Variants in DCP1B observed in about 807,000 individuals in gnomAD.
DCP1B encodes mRNA-decapping enzyme 1B.
In DCP1B, 47 loss-of-function variants were observed where a neutral mutation model predicts 60.5. That is an observed-to-expected ratio of 0.78 (90% CI 0.61 to 0.99). The LOEUF is 0.99. Ranked by LOEUF, DCP1B falls within the 50% of genes least tolerant of loss-of-function variation. The pLI is 0.00. For missense variants in DCP1B, 725 were observed against 756.8 expected (o/e 0.96, Z 0.49); for synonymous variants, 267 against 280.3 (o/e 0.95, Z 0.47).
downstream of DCP1B, among the ~76,000 whole-genome samples, chr12:1,945,706 A>C (rs1323413361): frequency 1.3e-5 from 2 of 152,226 alleles, no homozygotes; most frequent in East Asian, 3.8e-4. Context: ...TGCAGCCATA[A>C]AAAAGAATGA....
At chr12:1,986,918 T>C (rs1214379288) in intron 3 of DCP1B, among the ~76,000 whole-genome samples, 2 of 152,186 alleles carry the variant, frequency 1.3e-5, no homozygotes, top group African/African-American at 4.8e-5. Context: ...TTTTGGATGA[T>C]GCCAGAAGTT....
intron 4 of DCP1B, among the ~76,000 whole-genome samples, chr12:1,967,402 C>T (rs1488061836): frequency 6.6e-6 from 1 of 152,154 alleles, no homozygotes; most frequent in Non-Finnish European, 1.5e-5. Context: ...ATTCTGAGCT[C>T]CCACAAACAT....
intron 3 of DCP1B, among the ~76,000 whole-genome samples, chr12:1,990,865 C>G (rs1473222930): frequency 6.6e-6 from 1 of 151,918 alleles, no homozygotes; most frequent in African/African-American, 2.4e-5. Flanking sequence ...GACACTCTGA[C>G]AGCACCTGTG....
At chr12:1,986,584 C>T (rs931828120) in intron 3 of DCP1B, among the ~76,000 whole-genome samples, 3 of 151,876 alleles carry the variant, frequency 2.0e-5, no homozygotes, top group South Asian at 2.1e-4. Context: ...ACTGGCTTCA[C>T]GGTAGGGGTA....
intron 1 of DCP1B, among the ~76,000 whole-genome samples, chr12:2,002,891 C>G (rs1317663050): frequency 6.6e-6 from 1 of 152,022 alleles, no homozygotes; most frequent in Non-Finnish European, 1.5e-5. Flanking sequence ...ACGAAGGTGA[C>G]ACCTCGAAAA....
intron 2 of DCP1B, among the ~76,000 whole-genome samples, chr12:1,995,051 A>C (rs1039343008): frequency 6.6e-6 from 1 of 152,176 alleles, no homozygotes; most frequent in African/African-American, 2.4e-5. Flanking sequence ...TTTGGAGAAA[A>C]GACTAAAAAA....
chr12:1,969,693 CAAT>C (rs2031747866), intron 3 of DCP1B, among the ~76,000 whole-genome samples: 1 of 151,968 alleles, frequency 6.6e-6, no homozygotes. Context: ...AGTCCATCAA[CAAT>C]AATTCCCTAC....
chr12:1,976,315 T>C (rs2034347049), intron 3 of DCP1B, among the ~76,000 whole-genome samples: 1 of 152,208 alleles, frequency 6.6e-6, no homozygotes, highest in South Asian at 2.1e-4. Flanking sequence ...AAAGGAGACT[T>C]AGAGACACAA....
At chr12:1,945,991 C>T (rs989125116), downstream of DCP1B, 1 of 383,178 alleles carries the variant, frequency 2.6e-6, no homozygotes, top group African/African-American at 2.1e-5. Flanking sequence ...TGTAACAAAC[C>T]TGCATGTTCT....
At chr12:1,977,322 G>C (rs2034710918) in intron 3 of DCP1B, among the ~76,000 whole-genome samples, 1 of 152,144 alleles carries the variant, frequency 6.6e-6, no homozygotes, top group Admixed American at 6.5e-5. Flanking sequence ...GCCTTCGTTG[G>C]AGAGGTGTCA....
intron 3 of DCP1B, among the ~76,000 whole-genome samples, chr12:1,974,428 C>T (rs189749302): frequency 6.6e-4 from 101 of 152,150 alleles, no homozygotes; most frequent in East Asian, 3.9e-4. Context: ...TATGAGCTCC[C>T]GAAGACTGTA....
chr12:1,981,031 T>C lies in DCP1B; in HGVS notation c.319+12233A>G, dbSNP rs370358494. Among the ~76,000 whole-genome samples the C allele has an allele frequency of 2.5e-4, 38 of 152,298 alleles. No individual in the cohort carries two copies. In the South Asian group the frequency reaches 7.0e-3, roughly 28 times the overall value. On this transcript the variant is annotated intron_variant, in intron 3 of 8. Coordinates refer to ENST00000280665, the MANE Select transcript of DCP1B (RefSeq NM_152640.5). ...TGCATTATACATCATCTTGTTCACA[T>C]AGATAAAACTAACATTTTCCCACAT...
At chr12:1,944,752 C>T (rs1486166927), downstream of DCP1B, among the ~76,000 whole-genome samples, 2 of 151,984 alleles carry the variant, frequency 1.3e-5, no homozygotes, top group Non-Finnish European at 2.9e-5. Flanking sequence ...TGAAACTGGA[C>T]CCCTTCCTTA....
chr12:1,977,123 G>A (rs2034631948), intron 3 of DCP1B, among the ~76,000 whole-genome samples: 1 of 152,132 alleles, frequency 6.6e-6, no homozygotes. Flanking sequence ...TGTAATCACT[G>A]CCTAAACTGA....
intron 2 of DCP1B, among the ~76,000 whole-genome samples, chr12:1,996,626 A>C (rs1380159988): frequency 1.7e-5 from 1 of 60,466 alleles, no homozygotes; most frequent in Admixed American, 1.5e-4. Context: ...TAAAAAAAAA[A>C]AAAAAAAAAA....
At chr12:1,960,911 C>T (rs1293626285) in intron 5 of DCP1B, among the ~76,000 whole-genome samples, 2 of 152,158 alleles carry the variant, frequency 1.3e-5, no homozygotes, top group East Asian at 3.8e-4. Context: ...CCATTTCACC[C>T]CCTTTCTTCT....
In DCP1B at chr12:1,989,994, C is replaced by T. The variant is rs527478856; in HGVS notation, c.319+3270G>A. Among the ~76,000 whole-genome samples the T allele has an allele frequency of 3.0e-4, 45 of 152,280 alleles. 1 individual carries two copies. The South Asian group carries it at 6.8e-3, about 23-fold the overall frequency. On this transcript the variant is annotated intron_variant, in intron 3 of 8. Transcript: ENST00000280665. ...CTTGCTTTTTAAACCTTGGAGCGTA[C>T]TCTAAAATAACTAAGTGTTTGTAAA...
chr12:1,970,994 A>C, intron 3 of DCP1B: 7 of 1,027,092 alleles, frequency 6.8e-6, no homozygotes, highest in Non-Finnish European at 8.9e-6. Context: ...AAAAATTATA[A>C]GAGATCATGA....
intron 2 of DCP1B, among the ~76,000 whole-genome samples, chr12:1,997,356 C>T (rs375807775): frequency 5.9e-5 from 9 of 152,188 alleles, no homozygotes; most frequent in East Asian, 5.8e-4. Context: ...GTGAAACCTC[C>T]GTTGCTACTA....
Sources: gnomAD v4.1 joint callset for allele counts (sites outside exome capture counted in the v4.1 genomes callset) on GRCh38, gnomAD v4.1.1 for gene constraint, MANE v1.5 for transcripts, NCBI Gene and HGNC (gene_info 2026-07-23, HGNC 2026-07-21) for gene names.